Variants in CCSER1 observed in about 807,000 individuals in gnomAD.
CCSER1 encodes serine-rich coiled-coil domain-containing protein 1.
CCSER1 carries 41 observed loss-of-function variants against 82.0 expected under a neutral mutation model. The ratio of observed to expected loss-of-function variants is 0.50; its 90% CI spans 0.39 to 0.65. The LOEUF (loss-of-function observed/expected upper bound fraction) is 0.65. Ranked by LOEUF, CCSER1 falls within the 30% of genes least tolerant of loss-of-function variation. The probability of loss-of-function intolerance (pLI) is 0.00; values close to 1 mark genes in which losing one functional copy is unlikely to be tolerated. For missense variants in CCSER1, 1,119 were observed against 1,064.2 expected (o/e 1.05, Z -0.72); for synonymous variants, 414 against 383.9 (o/e 1.08, Z -0.92).
intron 10 of CCSER1, among the ~76,000 whole-genome samples, chr4:91,369,054 C>T (rs1326841557): frequency 2.0e-5 from 3 of 152,302 alleles, no homozygotes; most frequent in East Asian, 3.9e-4. Context: ...CATGAAGTGA[C>T]TTCCATGTGT....
In CCSER1 at chr4:90,619,319, C is replaced by A. The variant is rs556542585; in HGVS notation, c.1725-8706C>A. Among the ~76,000 whole-genome samples, 16 of 151,912 alleles carry A rather than the reference C, an allele frequency of 1.1e-4. No homozygotes were observed. In the South Asian group the frequency reaches 1.9e-3, roughly 18 times the overall value. ...GTGAATGAGAGGGTGGGAAAATATT[C>A]CTGATCCCCGCAAGAGAAAAATGTG... is the stretch of plus-strand genomic sequence containing the variant. On this transcript the variant is annotated intron_variant, in intron 5 of 10. Coordinates refer to ENST00000509176, the MANE Select transcript of CCSER1 (RefSeq NM_001145065.2).
intron 3 of CCSER1, among the ~76,000 whole-genome samples, chr4:90,315,301 A>C (rs534470129): frequency 1.3e-5 from 2 of 152,322 alleles, no homozygotes; most frequent in Admixed American, 6.5e-5. Flanking sequence ...GGTGGACAGT[A>C]TATCAGGGTT....
At chr4:91,236,210 G>A (rs1459907667) in intron 10 of CCSER1, among the ~76,000 whole-genome samples, 13 of 152,160 alleles carry the variant, frequency 8.5e-5, no homozygotes, top group Admixed American at 3.3e-4. Context: ...ACTTTCAGCC[G>A]GGCGCAGTGG....
chr4:90,177,740 T>C (rs567908207), intron 1 of CCSER1, among the ~76,000 whole-genome samples: 1 of 152,186 alleles, frequency 6.6e-6, no homozygotes, highest in Admixed American at 6.6e-5. Flanking sequence ...TTCATATGCG[T>C]TTTCCGTGTA....
chr4:91,508,990 C>T (rs1759681014), intron 10 of CCSER1, among the ~76,000 whole-genome samples: 1 of 150,678 alleles, frequency 6.6e-6, no homozygotes, highest in Non-Finnish European at 1.5e-5. Flanking sequence ...TTCTCTCTTT[C>T]TAGTCATTCT....
intron 5 of CCSER1, among the ~76,000 whole-genome samples, chr4:90,572,283 C>G (rs1044002499): frequency 2.0e-5 from 3 of 152,140 alleles, no homozygotes; most frequent in Non-Finnish European, 2.9e-5. Flanking sequence ...TCAGAATACT[C>G]TCTTTGTCTT....
chr4:90,441,744 C>T (rs1233698552), intron 4 of CCSER1, among the ~76,000 whole-genome samples: 2 of 152,174 alleles, frequency 1.3e-5, no homozygotes, highest in South Asian at 2.1e-4. Context: ...ACAAGTACCT[C>T]GTGTCTGTGC....
At chr4:91,228,628 G>T (rs1260417626) in intron 10 of CCSER1, among the ~76,000 whole-genome samples, 3 of 151,866 alleles carry the variant, frequency 2.0e-5, no homozygotes, top group Middle Eastern at 3.2e-3. Context: ...GAAGTATTTT[G>T]ATCTTAATCT....
intron 10 of CCSER1, among the ~76,000 whole-genome samples, chr4:91,265,598 A>G (rs1268898025): frequency 6.6e-6 from 1 of 152,162 alleles, no homozygotes; most frequent in Admixed American, 6.5e-5. Context: ...GATAGGTACC[A>G]CTTCCATTGG....
chr4:90,270,188 A>T (rs1386666976), intron 1 of CCSER1, among the ~76,000 whole-genome samples: 1 of 152,116 alleles, frequency 6.6e-6, no homozygotes, highest in Non-Finnish European at 1.5e-5. Flanking sequence ...CATTACCTCA[A>T]TACCAAAACC....
intron 10 of CCSER1, among the ~76,000 whole-genome samples, chr4:91,178,898 A>AT (rs1313067212): frequency 6.6e-6 from 1 of 152,094 alleles, no homozygotes; most frequent in Non-Finnish European, 1.5e-5. Flanking sequence ...CCTTGCATTG[A>AT]TGGTTTTTAC....
intron 5 of CCSER1, among the ~76,000 whole-genome samples, chr4:90,594,957 A>T (rs1783151784): frequency 6.6e-6 from 1 of 152,006 alleles, no homozygotes; most frequent in Non-Finnish European, 1.5e-5. Context: ...TAAAGTGCTT[A>T]TTATATGTTC....
intron 3 of CCSER1, among the ~76,000 whole-genome samples, chr4:90,321,164 C>T (rs1430847994): frequency 6.6e-6 from 1 of 152,002 alleles, no homozygotes; most frequent in African/African-American, 2.4e-5. Flanking sequence ...AGATCTTATT[C>T]ATTCTACATA....
chr4:90,196,855 T>G (rs1036402421), intron 1 of CCSER1, among the ~76,000 whole-genome samples: 13 of 152,082 alleles, frequency 8.5e-5, no homozygotes, highest in African/African-American at 3.1e-4. Flanking sequence ...CCCGAACAGA[T>G]GGAAACCAGA....
chr4:91,178,117 G>C (rs984127916), intron 10 of CCSER1, among the ~76,000 whole-genome samples: 1 of 152,148 alleles, frequency 6.6e-6, no homozygotes, highest in Non-Finnish European at 1.5e-5. Context: ...GTAGTTGAGC[G>C]GTTTTGAGTG....
chr4:91,049,914 C>T (rs1362605933), intron 9 of CCSER1, among the ~76,000 whole-genome samples: 6 of 152,198 alleles, frequency 3.9e-5, no homozygotes, highest in Admixed American at 6.5e-5. Flanking sequence ...TCAGAAGTCT[C>T]GGGCACTGGC....
intron 10 of CCSER1, among the ~76,000 whole-genome samples, chr4:91,470,317 A>G (rs1300319877): frequency 2.0e-5 from 3 of 152,190 alleles, no homozygotes; most frequent in South Asian, 2.1e-4. Flanking sequence ...TGGAGAAGGT[A>G]TCTAAATCCT....
intron 9 of CCSER1, among the ~76,000 whole-genome samples, chr4:91,056,877 A>G (rs1468909738): frequency 1.3e-5 from 2 of 152,118 alleles, no homozygotes; most frequent in Non-Finnish European, 2.9e-5. Context: ...TTTCTTTCAC[A>G]TATGTAGTTG....
chr4:90,225,821 T>C (rs992984669), intron 1 of CCSER1, among the ~76,000 whole-genome samples: 1 of 152,210 alleles, frequency 6.6e-6, no homozygotes, highest in Admixed American at 6.5e-5. Context: ...TTTGCTTCAG[T>C]AGTGGATTAA....
Sources: gnomAD v4.1 joint callset for allele counts (sites outside exome capture counted in the v4.1 genomes callset) on GRCh38, gnomAD v4.1.1 for gene constraint, MANE v1.5 for transcripts, NCBI Gene and HGNC (gene_info 2026-07-23, HGNC 2026-07-21) for gene names.